BNC2: variants seen among roughly 807,000 people sequenced by gnomAD.
BNC2 encodes basonuclin zinc finger protein 2.
In BNC2, 20 loss-of-function variants were observed where a neutral mutation model predicts 76.3. That is an observed-to-expected ratio of 0.26 (90% confidence interval 0.18 to 0.38). The LOEUF is 0.38. BNC2 is among the 10% of genes least tolerant of loss of function. The probability of loss-of-function intolerance (pLI) is 1.00; values close to 1 mark genes in which losing one functional copy is unlikely to be tolerated. For synonymous variants in BNC2, 582 were observed against 514.8 expected (o/e 1.13, Z -1.77); for missense variants, 1,382 against 1,399.8 (o/e 0.99, Z 0.20).
chr9:16,516,103 G>C (rs1817416490), intron 5 of BNC2, among the ~76,000 whole-genome samples: 1 of 152,198 alleles, frequency 6.6e-6, no homozygotes, highest in Non-Finnish European at 1.5e-5. Flanking sequence ...CTGTTTCTAA[G>C]TGCCTTATGC....
intron 5 of BNC2, among the ~76,000 whole-genome samples, chr9:16,450,814 C>T (rs888280121): frequency 2.0e-5 from 3 of 152,200 alleles, no homozygotes; most frequent in Non-Finnish European, 1.5e-5. Context: ...GGGTTCTGAT[C>T]CCCAGAGAGT....
intron 1 of BNC2, among the ~76,000 whole-genome samples, chr9:16,791,128 C>A (rs1465968945): frequency 6.6e-6 from 1 of 151,866 alleles, no homozygotes; most frequent in Non-Finnish European, 1.5e-5. Flanking sequence ...GTGGCATGAT[C>A]TCGGCTCACT....
chr9:16,827,628 G>A (rs1343372425), intron 1 of BNC2, among the ~76,000 whole-genome samples: 1 of 152,164 alleles, frequency 6.6e-6, no homozygotes, highest in Non-Finnish European at 1.5e-5. Flanking sequence ...ACCTAAAAAT[G>A]GGGTGCGTGC....
At chr9:16,468,248 C>G (rs1447327029) in intron 5 of BNC2, among the ~76,000 whole-genome samples, 2 of 151,978 alleles carry the variant, frequency 1.3e-5, no homozygotes, top group African/African-American at 4.8e-5. Flanking sequence ...CTACCTACCT[C>G]TTTTGCAAAG....
At chr9:16,434,115 TA>T (rs1225671478) in intron 6 of BNC2, among the ~76,000 whole-genome samples, 3 of 152,184 alleles carry the variant, frequency 2.0e-5, no homozygotes, top group East Asian at 1.9e-4. Flanking sequence ...GGAAAATCAT[TA>T]AAAAAATGGT....
intron 3 of BNC2, among the ~76,000 whole-genome samples, chr9:16,713,789 T>C (rs1804175938): frequency 6.6e-6 from 1 of 152,118 alleles, no homozygotes; most frequent in Admixed American, 6.6e-5. Context: ...CTTACTCAAT[T>C]TTGGCTGGGC....
intron 1 of BNC2, among the ~76,000 whole-genome samples, chr9:16,831,198 C>A (rs1042293088): frequency 1.5e-4 from 23 of 152,312 alleles, no homozygotes; most frequent in African/African-American, 5.5e-4. Flanking sequence ...GTCTAATCTA[C>A]CTCCACTCCC....
intron 1 of BNC2, among the ~76,000 whole-genome samples, chr9:16,806,922 T>C (rs950073920): frequency 1.3e-5 from 2 of 152,154 alleles, no homozygotes; most frequent in Non-Finnish European, 2.9e-5. Flanking sequence ...ATCCAGAATC[T>C]GTCTTTGTCA....
chr9:16,796,973 A>T (rs917522643), intron 1 of BNC2, among the ~76,000 whole-genome samples: 7 of 152,198 alleles, frequency 4.6e-5, no homozygotes, highest in African/African-American at 1.7e-4. Context: ...ATATGGCACA[A>T]AACAAGAGGT....
chr9:16,682,238 A>C, intron 3 of BNC2, among the ~76,000 whole-genome samples: 1 of 140,588 alleles, frequency 7.1e-6, no homozygotes, highest in Non-Finnish European at 1.5e-5. Flanking sequence ...GCTTTGCCCC[A>C]GTAGGTTTAT....
At chr9:16,628,927 G>A (rs537412654) in intron 3 of BNC2, among the ~76,000 whole-genome samples, 12 of 152,288 alleles carry the variant, frequency 7.9e-5, no homozygotes, top group Admixed American at 5.9e-4. Context: ...AAGGCAATAA[G>A]TAATTAAAAT....
At chr9:16,652,200 A>G (rs1821812335) in intron 3 of BNC2, among the ~76,000 whole-genome samples, 1 of 152,252 alleles carries the variant, frequency 6.6e-6, no homozygotes, top group Non-Finnish European at 1.5e-5. Flanking sequence ...TAGAATCAAC[A>G]TAAGAAACCA....
At chr9:16,780,673 T>G (rs2135548356) in intron 1 of BNC2, among the ~76,000 whole-genome samples, 1 of 152,302 alleles carries the variant, frequency 6.6e-6, no homozygotes, top group Admixed American at 6.5e-5. Context: ...ATTGGTTATC[T>G]ATGATGTACT....
intron 5 of BNC2, among the ~76,000 whole-genome samples, chr9:16,460,867 C>A (rs1173170467): frequency 6.6e-6 from 1 of 152,028 alleles, no homozygotes; most frequent in Admixed American, 6.6e-5. Context: ...ATGGCAGGCA[C>A]TCCATAAATG....
At chr9:16,588,092 C>G (rs757249671) in intron 3 of BNC2, among the ~76,000 whole-genome samples, 1 of 152,184 alleles carries the variant, frequency 6.6e-6, no homozygotes, top group Non-Finnish European at 1.5e-5. Flanking sequence ...ACATGATTCT[C>G]TGAGCCCGCT....
chr9:16,421,738 T>C (rs1017205228), intron 6 of BNC2, among the ~76,000 whole-genome samples: 1 of 152,212 alleles, frequency 6.6e-6, no homozygotes, highest in Non-Finnish European at 1.5e-5. Flanking sequence ...CTGTGAGGTC[T>C]TTACTCTGAC....
chr9:16,483,524 G>A (rs1198528255), intron 5 of BNC2, among the ~76,000 whole-genome samples: 1 of 152,152 alleles, frequency 6.6e-6, no homozygotes, highest in Admixed American at 6.5e-5. Flanking sequence ...TGATTACATG[G>A]TATACAGAGT....
At chr9:16,504,496 C>G (rs1172697674) in intron 5 of BNC2, among the ~76,000 whole-genome samples, 1 of 152,054 alleles carries the variant, frequency 6.6e-6, no homozygotes, top group Non-Finnish European at 1.5e-5. Context: ...TCCCTGAATT[C>G]AGATTAAAAT....
At chr9:16,663,122 TGTTTACTC>T (rs796971752) in intron 3 of BNC2, among the ~76,000 whole-genome samples, 11 of 135,892 alleles carry the variant, frequency 8.1e-5, no homozygotes, top group African/African-American at 2.9e-4. Context: ...CACTCCACTC[TGTTTACTC>T]TTTTTTTTTT....
Sources: gnomAD v4.1 joint callset for allele counts (sites outside exome capture counted in the v4.1 genomes callset) on GRCh38, gnomAD v4.1.1 for gene constraint, MANE v1.5 for transcripts, NCBI Gene and HGNC (gene_info 2026-07-23, HGNC 2026-07-21) for gene names.